NBPF14: variants seen among roughly 807,000 people sequenced by gnomAD.
The protein encoded by NBPF14 is NBPF family member NBPF14.
In NBPF14, 104 loss-of-function variants were observed where a neutral mutation model predicts 91.2. The observed-to-expected ratio is 1.14, with a 90% CI of 0.97 to 1.34. The LOEUF (loss-of-function observed/expected upper bound fraction) is 1.34, where lower values mean the gene tolerates loss of function less well. Among genes scored for constraint, NBPF14 ranks in the 40% most tolerant of loss-of-function variants. The pLI, the probability that NBPF14 is intolerant of heterozygous loss-of-function variation, is 0.00. For missense variants in NBPF14, 908 were observed against 783.0 expected (o/e 1.16, Z -1.91); for synonymous variants, 294 against 303.8 (o/e 0.97, Z 0.34).
chr1:148,594,369 AATAG>A lies in NBPF14; in HGVS notation c.176-673_176-670del, dbSNP rs1369040132. 5.1e-5 allele frequency among the ~76,000 whole-genome samples: 7 copies of A among 136,396 alleles called. 1 individual carries two copies. The highest frequency in any genetic ancestry group is 2.0e-4 in the East Asian group (1 of 5,100). 89.5% of individuals were successfully genotyped at this position (136,396 alleles called of 152,430 possible). A position where few individuals can be genotyped will look rare whatever the true frequency, so the allele number is the denominator to read the frequency against. On this transcript the variant is annotated intron_variant, in intron 2 of 70. Coordinates refer to ENST00000619423, the Ensembl canonical transcript of NBPF14. ...TTTAGAAACATCAGAATGAAGAACT[AATAG>A]ATAGTGTTTACACTGTGCCAATTAA...
At chr1:148,542,102 C>T (rs1365831750) in intron 59 of NBPF14, among the ~76,000 whole-genome samples, 2 of 101,296 alleles carry the variant, frequency 2.0e-5, no homozygotes, top group African/African-American at 7.6e-5. Flanking sequence ...AACAGTTACG[C>T]CATATTTTTC....
intron 2 of NBPF14, among the ~76,000 whole-genome samples, chr1:148,595,233 G>A (rs1396427090): frequency 2.0e-5 from 3 of 147,860 alleles, no homozygotes; most frequent in Middle Eastern, 3.6e-3. Context: ...ATCTTATATG[G>A]TACAGAGAGG....
chr1:148,592,791 T>G (rs1270226288), intron 3 of NBPF14, 25 bp from the exon 4 acceptor site: 1 of 1,507,914 alleles, frequency 6.6e-7, no homozygotes, highest in Non-Finnish European at 9.1e-7. Context: ...TAGAGAAAAT[T>G]TAAGAGTAGA....
At chr1:148,562,100 C>G in intron 34 of NBPF14, 136 bp downstream of exon 34, 1 of 209,572 alleles carries the variant, frequency 4.8e-6, no homozygotes, top group Non-Finnish European at 8.0e-6. Context: ...CAATGAAAAC[C>G]AACAGCAATG....
At chr1:148,536,005 A>G (rs1199184080) in intron 67 of NBPF14, among the ~76,000 whole-genome samples, 1 of 150,588 alleles carries the variant, frequency 6.6e-6, no homozygotes, top group Non-Finnish European at 1.5e-5. Flanking sequence ...TTAGGGCGCC[A>G]CAGGCATGGC....
chr1:148,534,081 G>C (rs1173215880), intron 69 of NBPF14, 112 bp from the exon 70 acceptor site: 4 of 587,392 alleles, frequency 6.8e-6, no homozygotes, highest in South Asian at 2.0e-5. Flanking sequence ...ATAAGAATAG[G>C]ACACTGTGAG....
chr1:148,572,347 C>T (rs1276087733), intron 21 of NBPF14, 96 bp downstream of exon 21: 1 of 300,284 alleles, frequency 3.3e-6, no homozygotes, highest in Non-Finnish European at 5.6e-6. Context: ...GCGGCAATGA[C>T]GTCTCTCGGG....
chr1:148,533,935 C>G (rs1392064175), exon 70 of NBPF14: 4 of 741,058 alleles, frequency 5.4e-6, no homozygotes, highest in Middle Eastern at 3.6e-4. Flanking sequence ...ATCTTCTTCC[C>G]CTTCTTTTTT....
At chr1:148,572,756 T>C (rs1424093216) in intron 20 of NBPF14, 141 bp from the exon 21 acceptor site, 2 of 548,308 alleles carry the variant, frequency 3.6e-6, no homozygotes, top group Non-Finnish European at 6.3e-6. Flanking sequence ...ATTATTGCCT[T>C]TATGTTGGGA....
chr1:148,534,231 G>A (rs1212970229), intron 69 of NBPF14, among the ~76,000 whole-genome samples: 18 of 151,198 alleles, frequency 1.2e-4, no homozygotes, highest in African/African-American at 2.9e-4. Context: ...AAACAGTTAC[G>A]CCATATTTTT....
rs1413167805 is a variant in NBPF14 at position 148,566,174 on chromosome 1, T to C, written c.3684A>G (p.Glu1228=). 1.5e-5 allele frequency: 8 copies of C among 537,072 alleles called. No individual in the cohort carries two copies. In the Admixed American group the frequency reaches 1.6e-4, roughly 11 times the overall value. The allele number at this position is 537,072 out of a possible 1,614,324, so 33.3% of individuals were successfully genotyped here. The change falls in exon 29 of 71, where the codon GAA becomes GAG. Residue 1228 remains glutamate (E), a synonymous_variant. Coordinates refer to ENST00000619423, the Ensembl canonical transcript of NBPF14. ...CGTCAAGAGAAAAGCCAACATGTTT[T>C]TCCTCCAATGCATAAAAGGAACTTC...
intron 37 of NBPF14, among the ~76,000 whole-genome samples, chr1:148,559,457 T>A: frequency 7.6e-6 from 1 of 132,172 alleles, no homozygotes; most frequent in East Asian, 2.3e-4. Context: ...TTTCAGACGC[T>A]GAAATTAGAG....
rs1654916519 is a variant in NBPF14 at position 148,535,309 on chromosome 1, C to G, written c.8441+144G>C. On this transcript the variant is annotated intron_variant, in intron 68 of 70. Transcript: ENST00000619423. ...GAAGAAATGGAAACCTAAACATCTA[C>G]TGCAATGAAAACCAACAGCAATGTC... 3 of 618,960 alleles carry G rather than the reference C, an allele frequency of 4.8e-6. No individual in the cohort carries two copies. The South Asian group carries it at 5.8e-5, about 12-fold the overall frequency. The allele number at this position is 618,960 out of a possible 1,614,324, so 38.3% of individuals were successfully genotyped here.
chr1:148,593,422 A>G (rs1662822158), intron 3 of NBPF14, among the ~76,000 whole-genome samples, 176 bp downstream of exon 3: 1 of 148,268 alleles, frequency 6.7e-6, no homozygotes, highest in African/African-American at 2.5e-5. Context: ...AACAACTGCA[A>G]CAGAGAACTT....
intron 37 of NBPF14, among the ~76,000 whole-genome samples, chr1:148,559,547 A>C (rs1473122620): frequency 8.2e-6 from 1 of 121,454 alleles, no homozygotes; most frequent in East Asian, 2.5e-4. Flanking sequence ...CCCAGGTCCA[A>C]TGTCATGAGA....
At chr1:148,566,109 T>C in intron 29 of NBPF14, 34 bp downstream of exon 29, 1 of 453,492 alleles carries the variant, frequency 2.2e-6, no homozygotes, top group Non-Finnish European at 3.7e-6. Context: ...GAAGACTCAG[T>C]GGATCCTTAT....
rs1352764137 is a variant in NBPF14, at chr1:148,534,834, C to T, written c.8464G>A (p.Glu2822Lys). Residue 2822 changes from glutamate (E) to lysine (K), a missense_variant, in exon 69 of 71, where the codon GAG (glutamate) becomes AAG (lysine). By Grantham distance (56) the Glu-to-Lys change is moderately conservative. Coordinates refer to ENST00000619423, the Ensembl canonical transcript of NBPF14. ...TCCTGCAAGACTTCAGGATCTTTCT[C>T]ATCCAGCAGCTCCCTGCTGAGCCTG... 238 of 1,086,854 alleles carry T rather than the reference C, an allele frequency of 2.2e-4. 3 individuals carry two copies. Among genetic ancestry groups the T allele is most frequent in the East Asian group, 1.8e-3 (76 of 42,500 alleles). The allele number at this position is 1,086,854 out of a possible 1,614,324, so 67.3% of individuals were successfully genotyped here. A position where few individuals can be genotyped will look rare whatever the true frequency, so the allele number is the denominator to read the frequency against.
chr1:148,534,743 T>A (rs1654720225), exon 69 of NBPF14: 2 of 828,168 alleles, frequency 2.4e-6, no homozygotes, highest in South Asian at 2.7e-5. Context: ...AGCACTGCTG[T>A]AGGGCTGGCC....
Position 148,557,102 on chromosome 1 carries a change from A to G in NBPF14, c.5007-240T>C, listed in dbSNP as rs1466641851. Among the ~76,000 whole-genome samples the G allele has an allele frequency of 1.5e-4, 19 of 125,966 alleles. No individual in the cohort carries two copies. In the East Asian group the frequency reaches 4.6e-3, roughly 30 times the overall value. The allele number at this position is 125,966 out of a possible 152,430, so 82.6% of individuals were successfully genotyped here. A position where few individuals can be genotyped will look rare whatever the true frequency, so the allele number is the denominator to read the frequency against. The stretch of plus-strand genomic sequence containing the variant: ...CACACACACACAGAGAGAGAGAGAG[A>G]ACGAGCTCAGTGAATTGTCCAGGTG... On this transcript the variant is annotated intron_variant, in intron 40 of 70. Transcript: ENST00000619423.
Sources: allele counts gnomAD v4.1 joint callset (sites outside exome capture counted in the v4.1 genomes callset), GRCh38; gene constraint gnomAD v4.1.1; transcripts MANE v1.5; gene names NCBI Gene and HGNC (gene_info 2026-07-23, HGNC 2026-07-21).